Variants in ZNF28 observed in about 807,000 individuals in gnomAD.
ZNF28 encodes zinc finger protein KOX24.
Under a neutral mutation model 7.2 loss-of-function variants are expected in ZNF28, and 5 were observed. The observed-to-expected ratio is 0.70, with a 90% CI of 0.36 to 1.46. The LOEUF is 1.46. Among genes scored for constraint, ZNF28 ranks in the 40% most tolerant of loss-of-function variants. ZNF28 has a pLI of 0.03. For synonymous variants in ZNF28, 288 were observed against 292.4 expected, an observed-to-expected ratio of 0.99 and a Z score of 0.15; for missense variants, 879 against 866.6, an observed-to-expected ratio of 1.01 and a Z score of -0.18.
At position 52,801,155 on chromosome 19, in the gene ZNF28, TAA is replaced by T. The variant is rs758425168; in HGVS notation, c.688_689del (p.Leu230LysfsTer14). 2 of 1,614,156 alleles carry T rather than the reference TAA, an allele frequency of 1.2e-6. No homozygotes were observed. Among genetic ancestry groups the T allele is most frequent in the Admixed American group, 1.7e-5 (1 of 60,020 alleles). ...SGKSFNCSSL[L>X]KKHQITHLEE... ...CTAAGTGGGTTATCTGATGTTTTTTTAAAAGTGAGCTACAATTAAAGGATTTG... is the reference window on the plus strand; with the variant it reads ...CTAAGTGGGTTATCTGATGTTTTTTTAAGTGAGCTACAATTAAAGGATTTG... On this transcript the variant is annotated frameshift_variant, in exon 4 of 4. Transcript: ENST00000457749. LOFTEE classifies it low-confidence loss of function (END_TRUNC).
intron 1 of ZNF28, among the ~76,000 whole-genome samples, chr19:52,821,012 C>A (rs998359171): frequency 3.9e-5 from 6 of 152,110 alleles, no homozygotes; most frequent in Non-Finnish European, 7.3e-5. Flanking sequence ...GCTGGGCGGG[C>A]AAGAACACCC....
chr19:52,819,370 C>A (rs545833588), intron 1 of ZNF28, among the ~76,000 whole-genome samples: 1 of 142,706 alleles, frequency 7.0e-6, no homozygotes, highest in South Asian at 2.4e-4. Context: ...CTTTCTGAGT[C>A]TACCACTCTC....
rs527589439 is a variant in ZNF28, at chr19:52,814,027, AC to A, written c.15+3916del. 2.5e-3 allele frequency among the ~76,000 whole-genome samples: 368 copies of A among 146,564 alleles called. 51 individuals carry two copies. The highest frequency in any genetic ancestry group is 9.1e-3 in the African/African-American group (344 of 37,710). The stretch of plus-strand genomic sequence containing the variant: ...GAAAATAAAAATTGTTTGGACTTTT[AC>A]AAAAAAGAAAAAACTTTTTTAAGTT... On this transcript the variant is annotated intron_variant, in intron 2 of 3. Transcript: ENST00000457749.
intron 1 of ZNF28, among the ~76,000 whole-genome samples, chr19:52,820,581 C>T (rs148996465): frequency 0.05 from 7,478 of 150,194 alleles, 136 homozygotes; most frequent in African/African-American, 0.095. Flanking sequence ...GTGTCCTCCC[C>T]GCTGTGCTTC....
At chr19:52,812,532 C>T (rs1398699288) in intron 2 of ZNF28, among the ~76,000 whole-genome samples, 1 of 124,478 alleles carries the variant, frequency 8.0e-6, no homozygotes, top group Non-Finnish European at 1.7e-5. Context: ...AAGGGCGGTG[C>T]AAGATGTGCT....
chr19:52,798,788 A>G lies in ZNF28; in HGVS notation c.*900T>C. ...ACACTTGTAAGATCTCTCATTATGG[A>G]TTCTCCAATGATTTGCAATGGTTGT... On this transcript the variant is annotated 3_prime_UTR_variant, in exon 4 of 4. Coordinates refer to ENST00000457749, the MANE Select transcript of ZNF28 (RefSeq NM_006969.5). 1.3e-6 allele frequency: 1 copy of G among 744,314 alleles called. No homozygotes were observed. The highest frequency in any genetic ancestry group is 2.2e-6 in the Non-Finnish European group (1 of 448,394). 46.1% of individuals were successfully genotyped at this position (744,314 alleles called of 1,614,324 possible).
chr19:52,816,273 C>A (rs2063123011), intron 2 of ZNF28, among the ~76,000 whole-genome samples: 2 of 146,896 alleles, frequency 1.4e-5, no homozygotes. Flanking sequence ...AATCCCAACA[C>A]TCTTGGGGGC....
intron 2 of ZNF28, chr19:52,810,047 C>T (rs2062997374): frequency 2.7e-6 from 2 of 736,978 alleles, no homozygotes; most frequent in Admixed American, 2.0e-5. Context: ...TCCAGCCCCG[C>T]GCCCCATGCC....
At chr19:52,810,742 G>T in intron 2 of ZNF28, 1 of 622,832 alleles carries the variant, frequency 1.6e-6, no homozygotes, top group Non-Finnish European at 2.8e-6. Flanking sequence ...AGGAAAAAAA[G>T]AGGAAAGAAG....
intron 2 of ZNF28, chr19:52,809,961 G>T (rs746358123): frequency 1.2e-4 from 93 of 802,268 alleles, no homozygotes; most frequent in Non-Finnish European, 1.3e-4. Context: ...CGCAGGGGAC[G>T]ATGGGAACGG....
rs1243015213 is a variant in ZNF28 at position 52,817,938 on chromosome 19, T to C, written c.15+6A>G. On this transcript the variant is annotated splice_donor_region_variant and intron_variant, in intron 2 of 3. Coordinates refer to ENST00000457749, the MANE Select transcript of ZNF28 (RefSeq NM_006969.5). ...ACAGAGCAATCCACCGAGAATACCA[T>C]CTCACCTGAGGAAGAGCCATCCCTG... The C allele has an allele frequency of 1.2e-6, 2 of 1,610,784 alleles. No individual in the cohort carries two copies. Among genetic ancestry groups the C allele is most frequent in the East Asian group, 2.2e-5 (1 of 44,876 alleles).
chr19:52,810,573 C>T, intron 2 of ZNF28: 2 of 1,592,304 alleles, frequency 1.3e-6, no homozygotes, highest in Non-Finnish European at 1.7e-6. Flanking sequence ...CGGGGTCTTC[C>T]ACGAGCCCGC....
Position 52,816,295 on chromosome 19 carries a change from G to A in ZNF28, c.15+1649C>T, listed in dbSNP as rs1297398982. On this transcript the variant is annotated intron_variant, in intron 2 of 3. Coordinates refer to ENST00000457749, the MANE Select transcript of ZNF28 (RefSeq NM_006969.5). Reference sequence around the variant, plus strand: ...ACACTCTTGGGGGCTGAGGCAGGCAGACCACCTGAGGTTAGGAGTTCGAGG... The same window carrying A: ...ACACTCTTGGGGGCTGAGGCAGGCAAACCACCTGAGGTTAGGAGTTCGAGG... 4.1e-5 allele frequency among the ~76,000 whole-genome samples: 6 copies of A among 146,898 alleles called. 1 individual carries two copies. Among genetic ancestry groups the A allele is most frequent in the Non-Finnish European group, 5.9e-5 (4 of 67,624 alleles).
At chr19:52,818,300 G>A (rs1198114883) in intron 1 of ZNF28, among the ~76,000 whole-genome samples, 2 of 152,186 alleles carry the variant, frequency 1.3e-5, no homozygotes, top group African/African-American at 4.8e-5. Context: ...CAGATATGGT[G>A]GTGCGCATCT....
intron 2 of ZNF28, among the ~76,000 whole-genome samples, chr19:52,812,475 T>C (rs1254269514): frequency 2.0e-4 from 25 of 122,842 alleles, no homozygotes; most frequent in Admixed American, 1.3e-3. Context: ...TCCCCAACCC[T>C]GTGCTCTCTG....
At chr19:52,820,662 C>T (rs2063185628) in intron 1 of ZNF28, among the ~76,000 whole-genome samples, 1 of 146,460 alleles carries the variant, frequency 6.8e-6, no homozygotes, top group African/African-American at 2.5e-5. Context: ...TCCTCCTCTC[C>T]CTCACTCTGA....
chr19:52,812,774 A>G (rs912657613), intron 2 of ZNF28, among the ~76,000 whole-genome samples: 3 of 150,688 alleles, frequency 2.0e-5, no homozygotes, highest in Non-Finnish European at 4.4e-5. Context: ...AAAAAAAAAA[A>G]AAAAAAAAAA....
In ZNF28 at chr19:52,816,036, G is replaced by A. The variant is rs575995355; in HGVS notation, c.15+1908C>T. 1.8e-3 allele frequency among the ~76,000 whole-genome samples: 258 copies of A among 146,914 alleles called. 42 individuals carry two copies. The highest frequency in any genetic ancestry group is 5.8e-3 in the African/African-American group (219 of 38,024). Reference sequence around the variant, plus strand: ...TAATGATGCAGAAATACACGTGTACGAGACTCGCTCTGACAGCTAACACAG... The same window carrying A: ...TAATGATGCAGAAATACACGTGTACAAGACTCGCTCTGACAGCTAACACAG... On this transcript the variant is annotated intron_variant, in intron 2 of 3. Coordinates refer to ENST00000457749, the MANE Select transcript of ZNF28 (RefSeq NM_006969.5).
At chr19:52,808,266 C>A in intron 2 of ZNF28, 133 bp from the exon 3 acceptor site, 1 of 1,486,570 alleles carries the variant, frequency 6.7e-7, no homozygotes, top group Non-Finnish European at 9.0e-7. Flanking sequence ...GGATTTTTCA[C>A]CACATGATGT....
Sources: allele counts gnomAD v4.1 joint callset (sites outside exome capture counted in the v4.1 genomes callset), GRCh38; gene constraint gnomAD v4.1.1; transcripts MANE v1.5; gene names NCBI Gene and HGNC (gene_info 2026-07-23, HGNC 2026-07-21).